OAT: variants seen among roughly 807,000 people sequenced by gnomAD.
OAT encodes ornithine aminotransferase, also known as ornithine aminotransferase, mitochondrial.
Under a neutral mutation model 48.4 loss-of-function variants are expected in OAT, and 35 were observed. The ratio of observed to expected loss-of-function variants is 0.72; its 90% CI spans 0.55 to 0.96. OAT has a LOEUF of 0.96. OAT is among the 40% of genes least tolerant of loss of function. The probability of loss-of-function intolerance (pLI) is 0.00; values close to 1 mark genes in which losing one functional copy is unlikely to be tolerated. For missense variants in OAT, 438 were observed against 537.9 expected, an observed-to-expected ratio of 0.81 and a Z score of 1.84; for synonymous variants, 182 against 198.4, an observed-to-expected ratio of 0.92 and a Z score of 0.70.
Position 124,401,717 on chromosome 10 carries a change from A to C in OAT, c.1014+9T>G. ...AGAATAGACACTGTGTGGCTGTATC[A>C]GTCTTTACCTCAAGGGCTGCGATGG... On this transcript the variant is annotated intron_variant, in intron 8 of 9. Transcript: ENST00000368845. The C allele has an allele frequency of 6.4e-7, 1 of 1,568,890 alleles. No homozygotes were observed. Among genetic ancestry groups the C allele is most frequent in the East Asian group, 2.2e-5 (1 of 44,708 alleles).
intron 4 of OAT, among the ~76,000 whole-genome samples, chr10:124,407,696 A>G (rs1951623371): frequency 6.6e-6 from 1 of 152,258 alleles, no homozygotes. Context: ...TTTGACCATT[A>G]TAGTGACAAA....
In OAT at chr10:124,412,125, C is replaced by A; in HGVS notation, c.47G>T (p.Arg16Leu). 2 of 1,614,090 alleles carry A rather than the reference C, an allele frequency of 1.2e-6. No individual in the cohort carries two copies. The highest frequency in any genetic ancestry group is 1.7e-6 in the Non-Finnish European group (2 of 1,180,024). ...AHLQRFAVLSRGVHSSVASAT... is the reference protein window; with the variant it reads ...AHLQRFAVLSLGVHSSVASAT... ...AGAAGCCACTGAAGAATGAACTCCG[C>A]GACTAAGTACAGCAAACCTCTGCAA... The change falls in exon 2 of 10, where the codon CGC becomes CTC. Residue 16 changes from arginine to leucine, a missense_variant. Coordinates refer to ENST00000368845, the MANE Select transcript of OAT (RefSeq NM_000274.4).
At chr10:124,409,017 A>G in intron 2 of OAT, 52 bp from the exon 3 acceptor site, 2 of 1,383,186 alleles carry the variant, frequency 1.4e-6, no homozygotes, top group Non-Finnish European at 2.0e-6. Context: ...ATACGGCATA[A>G]AGTCCAAAAA....
rs1438959750 is a variant in OAT at position 124,397,831 on chromosome 10, A to T, written c.*111T>A. 3 of 1,254,746 alleles carry T rather than the reference A, an allele frequency of 2.4e-6. No homozygotes were observed. In the African/African-American group the frequency reaches 4.5e-5, roughly 19 times the overall value. 77.7% of individuals were successfully genotyped at this position (1,254,746 alleles called of 1,614,324 possible). On this transcript the variant is annotated 3_prime_UTR_variant, in exon 10 of 10. Transcript: ENST00000368845. The stretch of plus-strand genomic sequence containing the variant: ...CTGAAAAAAATATATTCAAAAAAAA[A>T]GTTTTTGAAGACTCATGGGAGTGGA...
chr10:124,417,581 C>G (rs79628179), intron 1 of OAT, among the ~76,000 whole-genome samples: 9,759 of 152,130 alleles, frequency 0.064, 438 homozygotes, highest in Non-Finnish European at 0.085. Flanking sequence ...GCCACCGTGC[C>G]GGGCTAAAAA....
intron 1 of OAT, among the ~76,000 whole-genome samples, chr10:124,415,495 G>A (rs1461430325): frequency 6.6e-6 from 1 of 152,176 alleles, no homozygotes; most frequent in Non-Finnish European, 1.5e-5. Context: ...GAAACTGGAT[G>A]AGCCATGATG....
intron 1 of OAT, among the ~76,000 whole-genome samples, chr10:124,418,496 G>C (rs1951990382): frequency 6.6e-6 from 1 of 152,208 alleles, no homozygotes; most frequent in African/African-American, 2.4e-5. Flanking sequence ...CAGGCCGCGA[G>C]CGCAGGGGGC....
chr10:124,418,656 G>A (rs1407592808), intron 1 of OAT, among the ~76,000 whole-genome samples: 2 of 151,708 alleles, frequency 1.3e-5, no homozygotes, highest in Non-Finnish European at 2.9e-5. Flanking sequence ...CGCGCCGGCC[G>A]GAGACTCCAG....
chr10:124,411,844 G>T (rs1589716138), intron 2 of OAT, 129 bp downstream of exon 2: 13 of 712,210 alleles, frequency 1.8e-5, no homozygotes, highest in Non-Finnish European at 3.1e-5. Context: ...AGAAGAAGAA[G>T]AATTAACCAT....
intron 4 of OAT, among the ~76,000 whole-genome samples, chr10:124,406,563 C>T (rs1289980401): frequency 6.6e-6 from 1 of 151,746 alleles, no homozygotes; most frequent in Admixed American, 6.6e-5. Flanking sequence ...CGCCTGCAAT[C>T]CCAGCACTTT....
chr10:124,403,247 T>G, intron 6 of OAT, 192 bp from the exon 7 acceptor site: 1 of 649,316 alleles, frequency 1.5e-6, no homozygotes, highest in African/African-American at 1.8e-5. Context: ...CACCAACTAT[T>G]TCCTTTGTCA....
chr10:124,413,792 T>TAA (rs1169616424), intron 1 of OAT, among the ~76,000 whole-genome samples: 1 of 152,132 alleles, frequency 6.6e-6, no homozygotes, highest in Non-Finnish European at 1.5e-5. Context: ...TGTTAAAGTC[T>TAA]AAACATCACT....
intron 2 of OAT, among the ~76,000 whole-genome samples, chr10:124,409,395 C>T (rs913498635): frequency 1.3e-5 from 2 of 151,932 alleles, no homozygotes; most frequent in South Asian, 2.1e-4. Flanking sequence ...AAATCCCTGA[C>T]GCTACAGAAA....
intron 7 of OAT, 51 bp from the exon 8 acceptor site, chr10:124,401,890 T>TA: frequency 7.4e-7 from 1 of 1,357,394 alleles, no homozygotes; most frequent in South Asian, 1.2e-5. Flanking sequence ...AGCATTCTAC[T>TA]AAGCATCCTT....
At chr10:124,409,241 T>A (rs992614292) in intron 2 of OAT, among the ~76,000 whole-genome samples, 2 of 152,194 alleles carry the variant, frequency 1.3e-5, no homozygotes, top group Non-Finnish European at 2.9e-5. Context: ...TACCTAATTC[T>A]AAGATTTAGG....
intron 1 of OAT, among the ~76,000 whole-genome samples, chr10:124,416,916 A>C (rs1049415866): frequency 1.3e-5 from 2 of 152,060 alleles, no homozygotes; most frequent in Non-Finnish European, 1.5e-5. Context: ...CTTTGACGTA[A>C]TCAGTATTCT....
chr10:124,414,208 G>A (rs1490891589), intron 1 of OAT: 1 of 152,128 alleles, frequency 6.6e-6, no homozygotes, highest in Non-Finnish European at 1.5e-5. Flanking sequence ...CTTGATTCGA[G>A]CTGCCAAATT....
rs765320427 is a variant in OAT at position 124,398,079 on chromosome 10, G to T, written c.1183C>A (p.Leu395Ile). 6.2e-7 allele frequency: 1 copy of T among 1,614,048 alleles called. No homozygotes were observed. The highest frequency in any genetic ancestry group is 1.1e-5 in the South Asian group (1 of 91,060). ...TKDWDAWKVC[L>I]RLRDNGLLAK... ...AGAAGTCCATTATCTCGAAGTCGTA[G>T]ACACACCTTCCAAGCATCCCAATCT... Residue 395 changes from leucine (L) to isoleucine (I), a missense_variant, in exon 10 of 10, where the codon CTA (leucine) becomes ATA (isoleucine). Physicochemically the swap from Leu to Ile is conservative, Grantham distance 5. Transcript: ENST00000368845.
At chr10:124,409,101 G>C in intron 2 of OAT, 136 bp from the exon 3 acceptor site, 1 of 632,476 alleles carries the variant, frequency 1.6e-6, no homozygotes, top group South Asian at 2.1e-5. Flanking sequence ...GTTAAAGCTT[G>C]TTTTAGCTCA....
Sources: allele counts gnomAD v4.1 joint callset (sites outside exome capture counted in the v4.1 genomes callset), GRCh38; gene constraint gnomAD v4.1.1; transcripts MANE v1.5; gene names NCBI Gene and HGNC (gene_info 2026-07-23, HGNC 2026-07-21).